MICOS10: variants seen among roughly 807,000 people sequenced by gnomAD.
The protein encoded by MICOS10 is MICOS complex subunit MIC10.
Under a neutral mutation model 13.4 loss-of-function variants are expected in MICOS10, and 5 were observed. The observed-to-expected ratio is 0.37, with a 90% CI of 0.20 to 0.78. MICOS10 has a LOEUF of 0.78. Ranked by LOEUF, MICOS10 falls within the 30% of genes least tolerant of loss-of-function variation. The probability of loss-of-function intolerance (pLI) is 0.47; values close to 1 mark genes in which losing one functional copy is unlikely to be tolerated. For missense variants in MICOS10, 101 were observed against 94.6 expected (o/e 1.07, Z -0.28); for synonymous variants, 35 against 33.6 (o/e 1.04, Z -0.15).
In MICOS10 at chr1:19,597,008, GC is replaced by G. The variant is rs2094793796; in HGVS notation, c.-36del. ...GACTTTCAGGGGTCGGAGCGCGGGG[GC>G]CGGCCGAGAGGAAAGCTGGAGGCGC... On this transcript the variant is annotated 5_prime_UTR_variant, in exon 1 of 4. Coordinates refer to ENST00000322753, the MANE Select transcript of MICOS10 (RefSeq NM_001032363.4). The G allele has an allele frequency of 6.4e-7, 1 of 1,568,436 alleles. No individual in the cohort carries two copies. The highest frequency in any genetic ancestry group is 8.6e-7 in the Non-Finnish European group (1 of 1,160,696).
At chr1:19,622,177 T>C (rs2094906057) in intron 2 of MICOS10, 30 bp downstream of exon 2, 2 of 1,564,680 alleles carry the variant, frequency 1.3e-6, no homozygotes, top group Non-Finnish European at 8.8e-7. Context: ...TTCAACATAA[T>C]GTCATAGTGT....
chr1:19,610,180 T>G (rs2094854086), intron 1 of MICOS10, among the ~76,000 whole-genome samples: 1 of 152,030 alleles, frequency 6.6e-6, no homozygotes, highest in Non-Finnish European at 1.5e-5. Context: ...TTCTTAGGTC[T>G]TGTAAACTTG....
intron 1 of MICOS10, among the ~76,000 whole-genome samples, chr1:19,605,761 C>T (rs758943135): frequency 6.6e-6 from 1 of 152,002 alleles, no homozygotes; most frequent in Non-Finnish European, 1.5e-5. Flanking sequence ...TCTGTTTTGC[C>T]CAGGCTGGTC....
At chr1:19,620,973 TTGTAAGCCATTA>T (rs2094901180) in intron 1 of MICOS10, among the ~76,000 whole-genome samples, 1 of 152,234 alleles carries the variant, frequency 6.6e-6, no homozygotes, top group Non-Finnish European at 1.5e-5. Context: ...AAAGCTCTGA[TTGTAAGCCATTA>T]TGTTTTTACT....
intron 1 of MICOS10, chr1:19,608,072 A>AT (rs2094842141): frequency 6.0e-6 from 5 of 833,698 alleles, no homozygotes; most frequent in Non-Finnish European, 1.1e-5. Context: ...TATAAAACCT[A>AT]TAAGAGCTTT....
At chr1:19,601,019 C>G (rs1258475980) in intron 1 of MICOS10, 1 of 1,287,342 alleles carries the variant, frequency 7.8e-7, no homozygotes. Flanking sequence ...TGTTTTGCTT[C>G]CAGGGTTCAC....
intron 1 of MICOS10, among the ~76,000 whole-genome samples, chr1:19,604,056 A>G (rs1159233209): frequency 6.6e-6 from 1 of 152,068 alleles, no homozygotes; most frequent in Non-Finnish European, 1.5e-5. Flanking sequence ...TCTTTTCCTC[A>G]TTTTTTTCAT....
chr1:19,615,713 A>C (rs2094881590), intron 1 of MICOS10, among the ~76,000 whole-genome samples: 2 of 147,012 alleles, frequency 1.4e-5, no homozygotes, highest in African/African-American at 5.1e-5. Flanking sequence ...CCCCGAGTAG[A>C]GCTGGGACTA....
intron 1 of MICOS10, among the ~76,000 whole-genome samples, chr1:19,598,368 C>T (rs537324549): frequency 6.6e-6 from 1 of 152,248 alleles, no homozygotes; most frequent in Non-Finnish European, 1.5e-5. Context: ...ATTTTGGAAG[C>T]GACTAAACAG....
In MICOS10 at chr1:19,626,492, T is replaced by TA. The variant is rs2094922509; in HGVS notation, c.*91_*92insA. 1 of 1,387,026 alleles carries TA rather than the reference T, an allele frequency of 7.2e-7. No individual in the cohort carries two copies. Among genetic ancestry groups the TA allele is most frequent in the Admixed American group, 1.8e-5 (1 of 56,520 alleles). 85.9% of individuals were successfully genotyped at this position (1,387,026 alleles called of 1,614,324 possible). ...GTGCCCTGGAGTAAGCTGCCATTCTTCTGTAACAATGTTATCAGTAATGCT... is the reference window on the plus strand; with the variant it reads ...GTGCCCTGGAGTAAGCTGCCATTCTTACTGTAACAATGTTATCAGTAATGCT... On this transcript the variant is annotated 3_prime_UTR_variant, in exon 4 of 4. Coordinates refer to ENST00000322753, the MANE Select transcript of MICOS10 (RefSeq NM_001032363.4).
chr1:19,624,474 G>T (rs1270181801), intron 3 of MICOS10, among the ~76,000 whole-genome samples: 1 of 152,230 alleles, frequency 6.6e-6, no homozygotes, highest in East Asian at 1.9e-4. Flanking sequence ...TTTTAGTAGA[G>T]GTGGGGTTTC....
At chr1:19,601,156 A>G (rs1006145554) in intron 1 of MICOS10, 8 of 432,208 alleles carry the variant, frequency 1.9e-5, no homozygotes, top group Non-Finnish European at 3.3e-5. Context: ...TCCTTTAAAA[A>G]AGTAATCTTC....
At chr1:19,615,988 C>G (rs983905891) in intron 1 of MICOS10, among the ~76,000 whole-genome samples, 1 of 151,796 alleles carries the variant, frequency 6.6e-6, no homozygotes, top group Non-Finnish European at 1.5e-5. Context: ...GCGTGATCTT[C>G]GTTTACTGCA....
chr1:19,601,772 C>G (rs2094816167), intron 1 of MICOS10, among the ~76,000 whole-genome samples: 1 of 152,164 alleles, frequency 6.6e-6, no homozygotes, highest in Admixed American at 6.5e-5. Flanking sequence ...CCATCTTTCT[C>G]TTGGAAGGGA....
In MICOS10 at chr1:19,629,365, A is replaced by G. The variant is rs1157412971; in HGVS notation, c.*2964A>G. The stretch of plus-strand genomic sequence containing the variant: ...CCCAAAAGTGGCCTGCTCTGCCAAC[A>G]TACATAAATACATACAGTCTGAGCT... On this transcript the variant is annotated 3_prime_UTR_variant, in exon 4 of 4. Transcript: ENST00000322753. 6.6e-6 allele frequency: 1 copy of G among 152,252 alleles called. No homozygotes were observed. Among genetic ancestry groups the G allele is most frequent in the African/African-American group, 2.4e-5 (1 of 41,472 alleles). 9.4% of individuals were successfully genotyped at this position (152,252 alleles called of 1,614,324 possible).
intron 1 of MICOS10, among the ~76,000 whole-genome samples, chr1:19,604,744 G>T (rs2094828685): frequency 6.6e-6 from 1 of 152,160 alleles, no homozygotes; most frequent in African/African-American, 2.4e-5. Context: ...TTGGCAGGGG[G>T]TGGCACACAG....
chr1:19,622,181 A>C (rs200168462), intron 2 of MICOS10, 34 bp downstream of exon 2: 52 of 1,557,386 alleles, frequency 3.3e-5, no homozygotes, highest in Middle Eastern at 1.9e-4. Flanking sequence ...ACATAATGTC[A>C]TAGTGTATAC....
At chr1:19,608,558 G>A (rs756447906) in intron 1 of MICOS10, 11 of 912,592 alleles carry the variant, frequency 1.2e-5, no homozygotes, top group South Asian at 1.3e-5. Context: ...CACCGTGGTC[G>A]CCGTCTGTGA....
intron 1 of MICOS10, among the ~76,000 whole-genome samples, chr1:19,613,720 A>T (rs1289336614): frequency 6.6e-6 from 1 of 152,232 alleles, no homozygotes; most frequent in East Asian, 1.9e-4. Flanking sequence ...AATGTTGGCC[A>T]GAAAGAAGTT....
Sources: allele counts gnomAD v4.1 joint callset (sites outside exome capture counted in the v4.1 genomes callset), GRCh38; gene constraint gnomAD v4.1.1; transcripts MANE v1.5; gene names NCBI Gene and HGNC (gene_info 2026-07-23, HGNC 2026-07-21).